Variants in EPHA7 observed in about 807,000 individuals in gnomAD.
EPHA7 encodes the protein ephrin type-A receptor 7.
Under a neutral mutation model 112.6 loss-of-function variants are expected in EPHA7, and 25 were observed. The observed-to-expected ratio is 0.22, with a 90% CI of 0.16 to 0.31. EPHA7 has a LOEUF of 0.31. EPHA7 is among the 10% of genes least tolerant of loss of function. The pLI is 1.00. For synonymous variants in EPHA7, 437 were observed against 406.5 expected, an observed-to-expected ratio of 1.07 and a Z score of -0.90; for missense variants, 962 against 1,212.6, an observed-to-expected ratio of 0.79 and a Z score of 3.07.
chr6:93,300,049 A>G (rs1259245340), intron 5 of EPHA7, among the ~76,000 whole-genome samples: 2 of 152,144 alleles, frequency 1.3e-5, no homozygotes, highest in Non-Finnish European at 2.9e-5. Context: ...TGGGTGATGA[A>G]ATAATCTGTA....
intron 5 of EPHA7, among the ~76,000 whole-genome samples, chr6:93,311,501 G>A (rs1419748243): frequency 1.3e-5 from 2 of 151,996 alleles, no homozygotes; most frequent in South Asian, 2.1e-4. Flanking sequence ...TGAGATTGTG[G>A]CAATTCAGTC....
Position 93,243,381 on chromosome 6 carries a change from G to C in EPHA7, c.*45C>G, listed in dbSNP as rs373816341. On this transcript the variant is annotated 3_prime_UTR_variant, in exon 17 of 17. Transcript: ENST00000369303. ...TATGCATATACTGAAGGCCAGTACT[G>C]TTCTCTTGCAGTCTGTAATCTCCCT... The C allele has an allele frequency of 6.3e-6, 9 of 1,437,158 alleles. No individual in the cohort carries two copies. The highest frequency in any genetic ancestry group is 2.8e-5 in the African/African-American group (2 of 71,362). 89.0% of individuals were successfully genotyped at this position (1,437,158 alleles called of 1,614,324 possible). A position where few individuals can be genotyped will look rare whatever the true frequency, so the allele number is the denominator to read the frequency against.
At chr6:93,352,225 C>T (rs1418986213) in intron 5 of EPHA7, among the ~76,000 whole-genome samples, 1 of 152,012 alleles carries the variant, frequency 6.6e-6, no homozygotes, top group Non-Finnish European at 1.5e-5. Context: ...CCACATATTA[C>T]AATTGCTTAA....
At chr6:93,291,189 T>C (rs1485075842) in intron 5 of EPHA7, among the ~76,000 whole-genome samples, 1 of 152,178 alleles carries the variant, frequency 6.6e-6, no homozygotes, top group East Asian at 1.9e-4. Flanking sequence ...AAAGCAATTG[T>C]GTAACATATT....
chr6:93,345,844 T>C (rs1461223550), intron 5 of EPHA7, among the ~76,000 whole-genome samples: 1 of 151,612 alleles, frequency 6.6e-6, no homozygotes, highest in Non-Finnish European at 1.5e-5. Flanking sequence ...GGTAGATTAG[T>C]ACAGATGTTT....
Position 93,293,170 on chromosome 6 carries a change from CAT to C in EPHA7, c.1325-20750_1325-20749del, listed in dbSNP as rs3078555. ...ATACATAGAAAAGACTATGTAAACC[CAT>C]ATATATATATATAATTTTTTGTTAT... is the stretch of plus-strand genomic sequence containing the variant. On this transcript the variant is annotated intron_variant, in intron 5 of 16. Transcript: ENST00000369303. 6.0e-4 allele frequency among the ~76,000 whole-genome samples: 90 copies of C among 149,214 alleles called. 1 individual carries two copies. Among genetic ancestry groups the C allele is most frequent in the South Asian group, 3.8e-3 (18 of 4,686 alleles).
intron 5 of EPHA7, among the ~76,000 whole-genome samples, chr6:93,355,339 G>C (rs1051566237): frequency 2.0e-5 from 3 of 152,054 alleles, no homozygotes; most frequent in African/African-American, 7.2e-5. Flanking sequence ...GTTAAAAAAT[G>C]GTAAGTCTGA....
chr6:93,358,338 A>G lies in EPHA7; in HGVS notation c.906T>C (p.Ser302=). The G allele has an allele frequency of 1.2e-6, 2 of 1,613,704 alleles. No individual in the cohort carries two copies. The highest frequency in any genetic ancestry group is 1.7e-6 in the Non-Finnish European group (2 of 1,179,764). The change falls in exon 4 of 17, where the codon TCT becomes TCC. Residue 302 remains serine, a synonymous_variant. Transcript: ENST00000369303. The part of the protein sequence containing the change: ...QCSRCPTHSF[S]DKEGSSRCEC... ...CACATCTGGAGGAGCCTTCTTTATC[A>G]GAAAAACTGTGAGTTGGACAACGAG...
intron 5 of EPHA7, among the ~76,000 whole-genome samples, chr6:93,280,637 G>A (rs80055194): frequency 0.016 from 2,428 of 152,196 alleles, 65 homozygotes; most frequent in African/African-American, 0.056. Context: ...AAGCTAGTCC[G>A]TGGCTTATTT....
intron 3 of EPHA7, among the ~76,000 whole-genome samples, chr6:93,371,703 A>C (rs1020916064): frequency 6.6e-6 from 1 of 152,236 alleles, no homozygotes; most frequent in Non-Finnish European, 1.5e-5. Context: ...AAAAACTAGA[A>C]TATAATGATT....
At chr6:93,417,896 G>C (rs1335093115) in intron 1 of EPHA7, among the ~76,000 whole-genome samples, 1 of 151,968 alleles carries the variant, frequency 6.6e-6, no homozygotes, top group Non-Finnish European at 1.5e-5. Context: ...AGAAGGACTA[G>C]AATTTGGCGC....
chr6:93,331,197 T>C (rs1406259585), intron 5 of EPHA7, among the ~76,000 whole-genome samples: 1 of 151,438 alleles, frequency 6.6e-6, no homozygotes, highest in Non-Finnish European at 1.5e-5. Context: ...ATATTAAAAA[T>C]GAAGGATATC....
chr6:93,339,796 T>C (rs1223967044), intron 5 of EPHA7, among the ~76,000 whole-genome samples: 3 of 151,804 alleles, frequency 2.0e-5, no homozygotes, highest in African/African-American at 7.2e-5. Flanking sequence ...AAAAAACATA[T>C]GTCTAAAGAA....
chr6:93,395,005 T>C (rs987767171), intron 3 of EPHA7, among the ~76,000 whole-genome samples: 1 of 151,914 alleles, frequency 6.6e-6, no homozygotes, highest in African/African-American at 2.4e-5. Context: ...ATTACTGGCA[T>C]ATTTTAAACT....
intron 5 of EPHA7, among the ~76,000 whole-genome samples, chr6:93,328,779 A>G (rs1774447534): frequency 6.6e-6 from 1 of 151,462 alleles, no homozygotes. Flanking sequence ...CTAAGCACAT[A>G]TCTTAAATAA....
chr6:93,341,828 C>CATGATTATAATAATCTATAGGTTTCT (rs1775153137), intron 5 of EPHA7, among the ~76,000 whole-genome samples: 1 of 151,766 alleles, frequency 6.6e-6, no homozygotes, highest in Non-Finnish European at 1.5e-5. Context: ...ATATCATTTT[C>CATGATTATAATAATCTATAGGTTTCT]ATGATTATAA....
chr6:93,271,849 A>G (rs1771237712), intron 6 of EPHA7, among the ~76,000 whole-genome samples: 1 of 151,890 alleles, frequency 6.6e-6, no homozygotes, highest in Non-Finnish European at 1.5e-5. Flanking sequence ...CATATTTATT[A>G]TACAAAATAT....
chr6:93,300,559 C>T (rs894171991), intron 5 of EPHA7, among the ~76,000 whole-genome samples: 11 of 152,062 alleles, frequency 7.2e-5, no homozygotes, highest in African/African-American at 1.9e-4. Flanking sequence ...CAATAATAAA[C>T]AGTCCTCGAT....
At chr6:93,371,782 C>T (rs891553463) in intron 3 of EPHA7, among the ~76,000 whole-genome samples, 2 of 152,048 alleles carry the variant, frequency 1.3e-5, no homozygotes, top group African/African-American at 4.8e-5. Flanking sequence ...ATTACATCTT[C>T]CTAATTAATT....
Sources: gnomAD v4.1 joint callset for allele counts (sites outside exome capture counted in the v4.1 genomes callset) on GRCh38, gnomAD v4.1.1 for gene constraint, MANE v1.5 for transcripts, NCBI Gene and HGNC (gene_info 2026-07-23, HGNC 2026-07-21) for gene names.